LINGO1: variants seen among roughly 807,000 people sequenced by gnomAD.
LINGO1 encodes the protein leucine-rich repeat and immunoglobulin-like domain-containing nogo receptor-interacting protein 1.
LINGO1 carries 11 observed loss-of-function variants against 37.3 expected under a neutral mutation model. The ratio of observed to expected loss-of-function variants is 0.29; its 90% CI spans 0.19 to 0.49. The LOEUF (loss-of-function observed/expected upper bound fraction) is 0.49, where lower values mean the gene tolerates loss of function less well. Ranked by LOEUF, LINGO1 falls within the 20% of genes least tolerant of loss-of-function variation. The probability of loss-of-function intolerance (pLI) is 0.99; values close to 1 mark genes in which losing one functional copy is unlikely to be tolerated. For missense variants in LINGO1, 585 were observed against 878.2 expected (o/e 0.67, Z 4.22); for synonymous variants, 387 against 403.0 (o/e 0.96, Z 0.48).
intron 1 of LINGO1, among the ~76,000 whole-genome samples, chr15:77,799,199 C>T (rs568831367): frequency 6.6e-6 from 1 of 152,306 alleles, no homozygotes; most frequent in African/African-American, 2.4e-5. Flanking sequence ...TTGTTAAGTA[C>T]CTACCATGTG....
upstream of LINGO1, among the ~76,000 whole-genome samples, chr15:77,636,627 T>C (rs2074401847): frequency 6.6e-6 from 1 of 152,024 alleles, no homozygotes; most frequent in South Asian, 2.1e-4. Flanking sequence ...TGTGTGACCT[T>C]GAGGGGGTCA....
intron 1 of LINGO1, among the ~76,000 whole-genome samples, chr15:77,767,716 C>T (rs563850902): frequency 2.6e-5 from 4 of 152,008 alleles, no homozygotes; most frequent in Admixed American, 6.5e-5. Context: ...AGTTGGGAAC[C>T]GAATTAGTGA....
intron 1 of LINGO1, among the ~76,000 whole-genome samples, chr15:77,627,825 A>G (rs2074139257): frequency 6.6e-6 from 1 of 152,128 alleles, no homozygotes; most frequent in Non-Finnish European, 1.5e-5. Flanking sequence ...GTCCTCCCTG[A>G]TTGCTCATAT....
chr15:77,810,738 C>T (rs1480366567), intron 1 of LINGO1, among the ~76,000 whole-genome samples: 1 of 152,180 alleles, frequency 6.6e-6, no homozygotes, highest in East Asian at 1.9e-4. Flanking sequence ...ACCTCTGGGA[C>T]CCCTCAGGGA....
At position 77,615,588 on chromosome 15, in the gene LINGO1, C is replaced by T. The variant is rs113096707; in HGVS notation, c.319G>A (p.Val107Met). The change falls in exon 2 of 2, where the codon GTG becomes ATG. Residue 107 changes from valine to methionine, a missense_variant. Coordinates refer to ENST00000355300, the MANE Select transcript of LINGO1 (RefSeq NM_032808.7). The part of the protein sequence containing the change: ...LEELELNENI[V>M]SAVEPGAFNN... ...AAGGCGCCGGGCTCCACGGCGCTCA[C>T]GATGTTCTCGTTGAGCTCCAGCTCC... 13 of 1,611,212 alleles carry T rather than the reference C, an allele frequency of 8.1e-6. No homozygotes were observed. The highest frequency in any genetic ancestry group is 1.7e-5 in the Admixed American group (1 of 59,396).
intron 1 of LINGO1, among the ~76,000 whole-genome samples, chr15:77,751,142 G>A (rs1728790076): frequency 6.6e-6 from 1 of 152,188 alleles, no homozygotes; most frequent in Admixed American, 6.5e-5. Context: ...CCTGAGCCAG[G>A]TGTGAGCACA....
intron 2 of LINGO1, among the ~76,000 whole-genome samples, chr15:77,712,726 A>G (rs2141295291): frequency 6.6e-6 from 1 of 152,254 alleles, no homozygotes; most frequent in Admixed American, 6.5e-5. Flanking sequence ...GGGAAGCAGA[A>G]GCCAGCAAAT....
chr15:77,717,331 G>A (rs1392513941), intron 2 of LINGO1, among the ~76,000 whole-genome samples: 1 of 150,862 alleles, frequency 6.6e-6, no homozygotes, highest in African/African-American at 2.4e-5. Context: ...TACAGTGGAG[G>A]TGAGGGGGGG....
At chr15:77,643,073 G>T (rs1310638231) in intron 3 of LINGO1, among the ~76,000 whole-genome samples, 1 of 152,228 alleles carries the variant, frequency 6.6e-6, no homozygotes, top group Non-Finnish European at 1.5e-5. Flanking sequence ...GTGGTGTGGT[G>T]GTGTGGCATT....
upstream of LINGO1, among the ~76,000 whole-genome samples, chr15:77,698,027 T>C (rs866661872): frequency 2.0e-5 from 3 of 152,036 alleles, no homozygotes; most frequent in Non-Finnish European, 4.4e-5. Context: ...GAAAGATCAT[T>C]GCAGCCGCCA....
intron 2 of LINGO1, among the ~76,000 whole-genome samples, chr15:77,728,119 C>T (rs1359808490): frequency 6.6e-6 from 1 of 152,244 alleles, no homozygotes; most frequent in Non-Finnish European, 1.5e-5. Flanking sequence ...AGGCCTCTTC[C>T]CTGACTGCCT....
upstream of LINGO1, among the ~76,000 whole-genome samples, chr15:77,697,852 C>T (rs149695979): frequency 1.7e-3 from 261 of 152,266 alleles, 4 homozygotes; most frequent in Non-Finnish European, 6.8e-4. Flanking sequence ...GGGAAGGGCA[C>T]CGCAGACTGC....
intron 1 of LINGO1, among the ~76,000 whole-genome samples, chr15:77,818,442 C>T (rs1301812964): frequency 6.6e-6 from 1 of 152,210 alleles, no homozygotes; most frequent in Non-Finnish European, 1.5e-5. Flanking sequence ...CAGCCACAAC[C>T]TCAATGTAGA....
intron 1 of LINGO1, among the ~76,000 whole-genome samples, chr15:77,621,670 C>CA (rs2073925639): frequency 6.6e-6 from 1 of 152,152 alleles, no homozygotes. Flanking sequence ...CATCTGCCCC[C>CA]AAACCCGACA....
At chr15:77,743,843 T>A (rs2141353142) in intron 1 of LINGO1, among the ~76,000 whole-genome samples, 1 of 152,194 alleles carries the variant, frequency 6.6e-6, no homozygotes, top group South Asian at 2.1e-4. Context: ...CCTCCCAATC[T>A]GGAACAGAAG....
Position 77,670,741 on chromosome 15 carries a change from G to A in LINGO1, c.-13+6348C>T, listed in dbSNP as rs557285692. ...GCAGAGAAGCCAGGCCTCCAGACTC[G>A]GTGCAGCAGGACCCAGGGCGGCCAG... On this transcript the variant is annotated intron_variant, in intron 3 of 3. Transcript: ENST00000559893. Among the ~76,000 whole-genome samples, 34 of 152,374 alleles carry A rather than the reference G, an allele frequency of 2.2e-4. No homozygotes were observed. In the South Asian group the frequency reaches 3.1e-3, roughly 14 times the overall value.
chr15:77,666,062 C>G (rs1375554651), intron 3 of LINGO1, among the ~76,000 whole-genome samples: 2 of 152,218 alleles, frequency 1.3e-5, no homozygotes, highest in Non-Finnish European at 2.9e-5. Context: ...TGCTTGGACC[C>G]TCCAGAGGGC....
intron 1 of LINGO1, among the ~76,000 whole-genome samples, chr15:77,780,753 C>T (rs778741050): frequency 6.6e-6 from 1 of 151,986 alleles, no homozygotes; most frequent in Non-Finnish European, 1.5e-5. Context: ...GAAGAGGTAC[C>T]ACATAACACT....
intron 1 of LINGO1, among the ~76,000 whole-genome samples, chr15:77,738,506 T>A (rs190777619): frequency 1.1e-3 from 171 of 152,220 alleles, no homozygotes; most frequent in African/African-American, 4.0e-3. Flanking sequence ...CCTCTTACCA[T>A]CCCTAGGCAC....
Sources: gnomAD v4.1 joint callset for allele counts (sites outside exome capture counted in the v4.1 genomes callset) on GRCh38, gnomAD v4.1.1 for gene constraint, MANE v1.5 for transcripts, NCBI Gene and HGNC (gene_info 2026-07-23, HGNC 2026-07-21) for gene names.